Variants in SNN observed in about 807,000 individuals in gnomAD.
The protein encoded by SNN is AG8_1.
In SNN, 5 loss-of-function variants were observed where a neutral mutation model predicts 5.3. That is an observed-to-expected ratio of 0.94 (90% CI 0.49 to 1.97). The LOEUF (loss-of-function observed/expected upper bound fraction) is 1.97. Among genes scored for constraint, SNN ranks in the 30% most tolerant of loss-of-function variants. The pLI is 0.01. For synonymous variants in SNN, 67 were observed against 52.1 expected, an observed-to-expected ratio of 1.29 and a Z score of -1.24; for missense variants, 127 against 121.6, an observed-to-expected ratio of 1.04 and a Z score of -0.21.
In SNN at chr16:11,676,212, G is replaced by C; in HGVS notation, c.153G>C (p.Val51=). The change falls in exon 2 of 2, where the codon GTG becomes GTC. Residue 51 remains valine, a synonymous_variant. Coordinates refer to ENST00000329565, the MANE Select transcript of SNN (RefSeq NM_003498.6). ...AGTCAGAGGACGAGGAGAGCATCGT[G>C]GGGGATGGGGAGACCAAGGAACCCT... ...ISQSEDEESI[V]GDGETKEPFL... 1 of 1,614,224 alleles carries C rather than the reference G, an allele frequency of 6.2e-7. No homozygotes were observed. Among genetic ancestry groups the C allele is most frequent in the Non-Finnish European group, 8.5e-7 (1 of 1,180,034 alleles).
At chr16:11,675,206 T>C (rs2050291037) in intron 1 of SNN, among the ~76,000 whole-genome samples, 1 of 151,914 alleles carries the variant, frequency 6.6e-6, no homozygotes, top group Non-Finnish European at 1.5e-5. Context: ...GTATATGATG[T>C]CTGTTTGGGA....
At chr16:11,669,067 C>T (rs1333944809) in intron 1 of SNN, among the ~76,000 whole-genome samples, 1 of 152,208 alleles carries the variant, frequency 6.6e-6, no homozygotes, top group East Asian at 1.9e-4. Context: ...TCCCACACCC[C>T]GCCTCCGTCG....
intron 1 of SNN, among the ~76,000 whole-genome samples, chr16:11,670,997 GAC>G (rs1236606483): frequency 6.6e-6 from 1 of 152,240 alleles, no homozygotes; most frequent in East Asian, 1.9e-4. Flanking sequence ...AACCCGGCAG[GAC>G]AGTGTCAGTA....
Position 11,676,650 on chromosome 16 carries a change from C to CCTGTGAA in SNN, c.*329_*335dup, listed in dbSNP as rs1361177011. On this transcript the variant is annotated 3_prime_UTR_variant, in exon 2 of 2. Transcript: ENST00000329565. ...CTACTGTAATGCGTGAACTAACAAA[C>CCTGTGAA]CTGTGAACTGTAAATAGGCCCCTGG... is the stretch of plus-strand genomic sequence containing the variant. 1 of 330,920 alleles carries CCTGTGAA rather than the reference C, an allele frequency of 3.0e-6. No individual in the cohort carries two copies. The highest frequency in any genetic ancestry group is 2.1e-5 in the African/African-American group (1 of 48,580). The allele number at this position is 330,920 out of a possible 1,614,324, so 20.5% of individuals were successfully genotyped here.
Position 11,672,447 on chromosome 16 carries a change from G to A in SNN, c.-85-3528G>A, listed in dbSNP as rs980157044. Among the ~76,000 whole-genome samples the A allele has an allele frequency of 2.0e-5, 3 of 152,320 alleles. No homozygotes were observed. Among genetic ancestry groups the A allele is most frequent in the East Asian group, 1.9e-4 (1 of 5,176 alleles). The stretch of plus-strand genomic sequence containing the variant: ...AGTCCCGAATAGGAAGGTGCCAGCC[G>A]TGGGGCGGTCAGGGCAGAGGTGGGA... On this transcript the variant is annotated intron_variant, in intron 1 of 1. Transcript: ENST00000329565. The surrounding 1 kb of genome is among the most constrained non-coding windows in gnomAD (Gnocchi z 6.0).
rs953098791 is a variant in SNN at position 11,678,011 on chromosome 16, A to G, written c.*1685A>G. On this transcript the variant is annotated 3_prime_UTR_variant, in exon 2 of 2. Transcript: ENST00000329565. The stretch of plus-strand genomic sequence containing the variant: ...TAGGAGCTTGGGGTGGAAGAGGGAC[A>G]GCCGGCTGGGCCACCTGAGCAGAAG... The G allele has an allele frequency of 6.0e-6, 1 of 167,226 alleles. No homozygotes were observed. The highest frequency in any genetic ancestry group is 2.4e-5 in the African/African-American group (1 of 41,470). 10.4% of individuals were successfully genotyped at this position (167,226 alleles called of 1,614,324 possible).
In SNN at chr16:11,673,502, G is replaced by A. The variant is rs1292374957; in HGVS notation, c.-85-2473G>A. Among the ~76,000 whole-genome samples the A allele has an allele frequency of 2.6e-5, 4 of 152,302 alleles. No homozygotes were observed. The East Asian group carries it at 5.8e-4, about 22-fold the overall frequency. On this transcript the variant is annotated intron_variant, in intron 1 of 1. Coordinates refer to ENST00000329565, the MANE Select transcript of SNN (RefSeq NM_003498.6). ...CGGGTCAGGGTGTCTTTCTCCAGCC[G>A]GGCCATCTGCGTGGTGGGGGCTGCC...
chr16:11,672,796 C>T lies in SNN; in HGVS notation c.-85-3179C>T, dbSNP rs2050274529. 6.6e-6 allele frequency among the ~76,000 whole-genome samples: 1 copy of T among 151,888 alleles called. No individual in the cohort carries two copies. Among genetic ancestry groups the T allele is most frequent in the South Asian group, 2.1e-4 (1 of 4,804 alleles). On this transcript the variant is annotated intron_variant, in intron 1 of 1. Coordinates refer to ENST00000329565, the MANE Select transcript of SNN (RefSeq NM_003498.6). This position sits in a 1 kb window ranked among gnomAD's most constrained non-coding sequence, Gnocchi z 6.0. ...GGGTCACCACTCCTCTTAGAGAATCCCTTTGAGCTGGGGCCGCCTGTGCCT... is the reference window on the plus strand; with the variant it reads ...GGGTCACCACTCCTCTTAGAGAATCTCTTTGAGCTGGGGCCGCCTGTGCCT...
chr16:11,674,235 C>A (rs372524005), intron 1 of SNN, among the ~76,000 whole-genome samples: 1 of 152,232 alleles, frequency 6.6e-6, no homozygotes, highest in Admixed American at 6.5e-5. Flanking sequence ...GCCGACCGCA[C>A]GCCCAGTCCT....
In SNN at chr16:11,679,079, C is replaced by G. The variant is rs959958782; in HGVS notation, c.*2753C>G. The G allele has an allele frequency of 1.8e-6, 2 of 1,121,092 alleles. No homozygotes were observed. The highest frequency in any genetic ancestry group is 2.8e-5 in the Admixed American group (1 of 35,740). 69.4% of individuals were successfully genotyped at this position (1,121,092 alleles called of 1,614,324 possible). ...CAATAAATGCTGAATGACATTCAAG[C>G]TGATTTTCTAGACCACTGAGAAAAT... On this transcript the variant is annotated 3_prime_UTR_variant, in exon 2 of 2. Transcript: ENST00000329565. This position sits in a 1 kb window ranked among gnomAD's most constrained non-coding sequence, Gnocchi z 4.6.
chr16:11,674,189 CAAAGGGAACAA>C (rs1005967346), intron 1 of SNN, among the ~76,000 whole-genome samples: 2 of 152,176 alleles, frequency 1.3e-5, no homozygotes, highest in African/African-American at 4.8e-5. Context: ...CAGTCTTATC[CAAAGGGAACAA>C]AAAGCCAGAC....
At chr16:11,670,703 C>T (rs8191282) in intron 1 of SNN, among the ~76,000 whole-genome samples, 1 of 152,222 alleles carries the variant, frequency 6.6e-6, no homozygotes, top group Admixed American at 6.5e-5. Flanking sequence ...AAGCAGGCCG[C>T]AAAAGTGAGT....
rs1405042021 is a variant in SNN at position 11,678,565 on chromosome 16, G to C, written c.*2239G>C. The C allele has an allele frequency of 3.0e-5, 5 of 167,074 alleles. No homozygotes were observed. The highest frequency in any genetic ancestry group is 7.3e-5 in the Non-Finnish European group (5 of 68,212). The allele number at this position is 167,074 out of a possible 1,614,324, so 10.3% of individuals were successfully genotyped here. Reference sequence around the variant, plus strand: ...CACTTCCTCATCAGTTTCACTTCTGGAGGTTTTCTTATCCTACTCCCTGGT... The same window carrying C: ...CACTTCCTCATCAGTTTCACTTCTGCAGGTTTTCTTATCCTACTCCCTGGT... On this transcript the variant is annotated 3_prime_UTR_variant, in exon 2 of 2. Coordinates refer to ENST00000329565, the MANE Select transcript of SNN (RefSeq NM_003498.6).
In SNN at chr16:11,672,492, G is replaced by A. The variant is rs554227042; in HGVS notation, c.-85-3483G>A. Among the ~76,000 whole-genome samples the A allele has an allele frequency of 6.6e-6, 1 of 152,214 alleles. No homozygotes were observed. The highest frequency in any genetic ancestry group is 2.4e-5 in the African/African-American group (1 of 41,438). ...GTGGGAGCGTGGGCTCGCAGCGGAG[G>A]GTGTGGGGACGCCTGGGGAGGCAGG... On this transcript the variant is annotated intron_variant, in intron 1 of 1. Coordinates refer to ENST00000329565, the MANE Select transcript of SNN (RefSeq NM_003498.6). This position sits in a 1 kb window ranked among gnomAD's most constrained non-coding sequence, Gnocchi z 6.0.
In SNN at chr16:11,672,925, G is replaced by A. The variant is rs569068632; in HGVS notation, c.-85-3050G>A. Among the ~76,000 whole-genome samples, 1 of 152,270 alleles carries A rather than the reference G, an allele frequency of 6.6e-6. No homozygotes were observed. The highest frequency in any genetic ancestry group is 2.1e-4 in the South Asian group (1 of 4,824). On this transcript the variant is annotated intron_variant, in intron 1 of 1. Coordinates refer to ENST00000329565, the MANE Select transcript of SNN (RefSeq NM_003498.6). The surrounding 1 kb of genome is among the most constrained non-coding windows in gnomAD (Gnocchi z 6.0). ...CTTTGCCCCGCCTATCCCAGGTCCT[G>A]GTGCCATTGTTTGATTTTCTACTTC...
chr16:11,673,753 C>T (rs8191303), intron 1 of SNN, among the ~76,000 whole-genome samples: 17,468 of 152,144 alleles, frequency 0.11, 1,355 homozygotes, highest in African/African-American at 0.2. Context: ...GGGTTCGTTG[C>T]GGGGGTCAGC....
chr16:11,676,366 A>C lies in SNN; in HGVS notation c.*40A>C, dbSNP rs1404070938. Reference sequence around the variant, plus strand: ...CTCCTGGTCCTGTTTGCAGCCGGCCAAGAGGCGCTGGGAGGGGCAAAACCA... The same window carrying C: ...CTCCTGGTCCTGTTTGCAGCCGGCCCAGAGGCGCTGGGAGGGGCAAAACCA... On this transcript the variant is annotated 3_prime_UTR_variant, in exon 2 of 2. Coordinates refer to ENST00000329565, the MANE Select transcript of SNN (RefSeq NM_003498.6). 3.1e-6 allele frequency: 5 copies of C among 1,593,064 alleles called. No homozygotes were observed. The South Asian group carries it at 5.6e-5, about 18-fold the overall frequency.
At chr16:11,673,449 A>T (rs8191299) in intron 1 of SNN, among the ~76,000 whole-genome samples, 18,621 of 152,106 alleles carry the variant, frequency 0.12, 1,579 homozygotes, top group African/African-American at 0.22. Flanking sequence ...CGGGTTGGGA[A>T]AGCTTCCCTG....
Position 11,675,832 on chromosome 16 carries a change from G to A in SNN, c.-85-143G>A, listed in dbSNP as rs1046836494. ...CAAAGGTCATGAACAGGAGCTGGGT[G>A]AGCGTGGGTGAGCAGACGCCTTCGA... On this transcript the variant is annotated intron_variant, in intron 1 of 1. Coordinates refer to ENST00000329565, the MANE Select transcript of SNN (RefSeq NM_003498.6). The A allele has an allele frequency of 6.6e-5, 33 of 502,652 alleles. 1 individual carries two copies. In the South Asian group the frequency reaches 9.3e-4, roughly 14 times the overall value. The allele number at this position is 502,652 out of a possible 1,614,324, so 31.1% of individuals were successfully genotyped here.
Sources: gnomAD v4.1 joint callset for allele counts (sites outside exome capture counted in the v4.1 genomes callset) on GRCh38, gnomAD v4.1.1 for gene constraint, Gnocchi (gnomAD v3.1) non-coding constraint, MANE v1.5 for transcripts, NCBI Gene and HGNC (gene_info 2026-07-23, HGNC 2026-07-21) for gene names.